INSYN2B: variants seen among roughly 807,000 people sequenced by gnomAD.
INSYN2B encodes inhibitory synaptic factor family member 2B.
A neutral mutation model predicts 41.2 loss-of-function variants in INSYN2B; 16 were observed. The ratio of observed to expected loss-of-function variants is 0.39; its 90% CI spans 0.26 to 0.59. The LOEUF is 0.59. Ranked by LOEUF, INSYN2B falls within the 20% of genes least tolerant of loss-of-function variation. The pLI, the probability that INSYN2B is intolerant of heterozygous loss-of-function variation, is 0.57. For missense variants in INSYN2B, 608 were observed against 646.4 expected (o/e 0.94, Z 0.64); for synonymous variants, 245 against 244.4 (o/e 1.00, Z -0.02).
At chr5:169,922,324 T>A (rs1310495502) in intron 1 of INSYN2B, among the ~76,000 whole-genome samples, 1 of 152,230 alleles carries the variant, frequency 6.6e-6, no homozygotes, top group Non-Finnish European at 1.5e-5. Context: ...GAACCCCTGA[T>A]AATATTCATC....
intron 3 of INSYN2B, chr5:169,875,316 A>G: frequency 2.2e-6 from 1 of 456,682 alleles, no homozygotes; most frequent in South Asian, 1.5e-5. Context: ...AAGTTTCCAT[A>G]GACACCCAGG....
chr5:169,926,420 G>A (rs1191004741), intron 1 of INSYN2B, among the ~76,000 whole-genome samples: 3 of 152,110 alleles, frequency 2.0e-5, no homozygotes, highest in Non-Finnish European at 4.4e-5. Context: ...TAACAAATAG[G>A]CCCTTTTCCC....
Position 169,914,992 on chromosome 5 carries a change from G to C in INSYN2B, c.-918-30176C>G, listed in dbSNP as rs572768348. On this transcript the variant is annotated intron_variant, in intron 1 of 3. Transcript: ENST00000377365. The stretch of plus-strand genomic sequence containing the variant: ...AAAGAGAATCTGCCTGACCCCAGAG[G>C]AGGCTCCATCATTGCAAGGCAAACT... 5.9e-5 allele frequency among the ~76,000 whole-genome samples: 9 copies of C among 152,354 alleles called. No homozygotes were observed. The South Asian group carries it at 1.9e-3, about 32-fold the overall frequency.
At chr5:169,874,098 T>A (rs1772158674) in intron 3 of INSYN2B, among the ~76,000 whole-genome samples, 2 of 151,870 alleles carry the variant, frequency 1.3e-5, no homozygotes, top group Admixed American at 1.3e-4. Flanking sequence ...AATTTATGAG[T>A]GGATGCATCA....
intron 1 of INSYN2B, among the ~76,000 whole-genome samples, chr5:169,894,930 T>A (rs1773510254): frequency 6.6e-6 from 1 of 152,112 alleles, no homozygotes; most frequent in African/African-American, 2.4e-5. Flanking sequence ...CGTCTGCTGG[T>A]TTTGGTGTTG....
intron 1 of INSYN2B, among the ~76,000 whole-genome samples, chr5:169,945,087 C>A (rs1051724517): frequency 1.3e-5 from 2 of 152,224 alleles, no homozygotes; most frequent in Admixed American, 6.5e-5. Context: ...CCTCAATTCT[C>A]AGATTAGGGA....
intron 1 of INSYN2B, among the ~76,000 whole-genome samples, chr5:169,948,013 C>T (rs1381287991): frequency 6.6e-6 from 1 of 152,148 alleles, no homozygotes; most frequent in Non-Finnish European, 1.5e-5. Flanking sequence ...TCCTCTCAGG[C>T]CTTTCCTCTG....
intron 2 of INSYN2B, among the ~76,000 whole-genome samples, chr5:169,882,035 C>T (rs534858448): frequency 6.6e-6 from 1 of 152,264 alleles, no homozygotes; most frequent in East Asian, 1.9e-4. Flanking sequence ...GAATTGTGAT[C>T]TCATTTCAGT....
chr5:169,952,790 G>A (rs1393471930), intron 1 of INSYN2B, among the ~76,000 whole-genome samples: 3 of 152,124 alleles, frequency 2.0e-5, no homozygotes, highest in Non-Finnish European at 4.4e-5. Context: ...AGGGTACAGA[G>A]TTGCCACATG....
At position 169,864,289 on chromosome 5, in the gene INSYN2B, C is replaced by T; in HGVS notation, c.1592G>A (p.Cys531Tyr). 5 of 1,551,570 alleles carry T rather than the reference C, an allele frequency of 3.2e-6. No individual in the cohort carries two copies. The highest frequency in any genetic ancestry group is 4.4e-6 in the Non-Finnish European group (5 of 1,146,908). Residue 531 changes from cysteine to tyrosine, a missense_variant, in exon 4 of 4, where the codon TGC becomes TAC. Cys to Tyr is a radical substitution (Grantham distance 194). Coordinates refer to ENST00000377365, the MANE Select transcript of INSYN2B (RefSeq NM_001129891.3). ...RRKTKKVKKKCFWWI is the reference protein window; with the variant it reads ...RRKTKKVKKKYFWWI Reference sequence around the variant, plus strand: ...CCAACCAGCTCAGATCCACCAGAAGCATTTCTTTTTCACCTTCTTGGTTTT... The same window carrying T: ...CCAACCAGCTCAGATCCACCAGAAGTATTTCTTTTTCACCTTCTTGGTTTT...
intron 1 of INSYN2B, among the ~76,000 whole-genome samples, chr5:169,930,624 G>T (rs946300573): frequency 6.6e-6 from 1 of 152,282 alleles, no homozygotes; most frequent in South Asian, 2.1e-4. Context: ...GCAAAATAAC[G>T]GTAGACAAGG....
chr5:169,940,855 A>G (rs1345126164), intron 1 of INSYN2B, among the ~76,000 whole-genome samples: 1 of 152,196 alleles, frequency 6.6e-6, no homozygotes, highest in Non-Finnish European at 1.5e-5. Context: ...GTACCAGTTC[A>G]TGGTCCAGGT....
At chr5:169,932,139 A>T (rs1012953683) in intron 1 of INSYN2B, among the ~76,000 whole-genome samples, 1 of 152,208 alleles carries the variant, frequency 6.6e-6, no homozygotes, top group African/African-American at 2.4e-5. Context: ...GCGTAAGAGC[A>T]TATGATGGAG....
At chr5:169,870,351 A>G (rs1238489886) in intron 3 of INSYN2B, among the ~76,000 whole-genome samples, 1 of 152,182 alleles carries the variant, frequency 6.6e-6, no homozygotes, top group African/African-American at 2.4e-5. Context: ...GCCCCAAGTC[A>G]TGACTTGGCT....
intron 1 of INSYN2B, among the ~76,000 whole-genome samples, chr5:169,907,841 TGGCATCTAGTG>T (rs541327543): frequency 1.6e-3 from 238 of 152,326 alleles, no homozygotes; most frequent in African/African-American, 5.6e-3. Context: ...GGGGTGCTAC[TGGCATCTAGTG>T]GGTAGAGGGC....
At chr5:169,890,256 G>A (rs1436959210) in intron 1 of INSYN2B, among the ~76,000 whole-genome samples, 1 of 152,194 alleles carries the variant, frequency 6.6e-6, no homozygotes, top group Non-Finnish European at 1.5e-5. Flanking sequence ...CTAAAGTGTA[G>A]GGATATGTCT....
intron 1 of INSYN2B, among the ~76,000 whole-genome samples, chr5:169,914,518 C>T (rs774832193): frequency 4.6e-5 from 7 of 152,166 alleles, no homozygotes; most frequent in Non-Finnish European, 1.0e-4. Flanking sequence ...TTCAAAAGAC[C>T]AAGGCTAAAT....
intron 3 of INSYN2B, among the ~76,000 whole-genome samples, chr5:169,879,320 T>A (rs1247342998): frequency 6.6e-6 from 1 of 152,204 alleles, no homozygotes; most frequent in South Asian, 2.1e-4. Flanking sequence ...TTCTAAGATC[T>A]GACTTTCCAG....
At position 169,895,536 on chromosome 5, in the gene INSYN2B, T is replaced by C. The variant is rs1773547375; in HGVS notation, c.-918-10720A>G. ...AGCAGCCAGCATTCACGCATCCTCT[T>C]CTTTTGGGGGTAGGATCACACTCCC... is the stretch of plus-strand genomic sequence containing the variant. On this transcript the variant is annotated intron_variant, in intron 1 of 3. Transcript: ENST00000377365. Among the ~76,000 whole-genome samples the C allele has an allele frequency of 3.3e-5, 5 of 152,112 alleles. No individual in the cohort carries two copies. The Middle Eastern group carries it at 0.014, about 414-fold the overall frequency.
Sources: gnomAD v4.1 joint callset for allele counts (sites outside exome capture counted in the v4.1 genomes callset) on GRCh38, gnomAD v4.1.1 for gene constraint, MANE v1.5 for transcripts, NCBI Gene and HGNC (gene_info 2026-07-23, HGNC 2026-07-21) for gene names.